Variants in DLG1 observed in about 807,000 individuals in gnomAD.
DLG1 encodes the protein discs large MAGUK scaffold protein 1.
A neutral mutation model predicts 123.4 loss-of-function variants in DLG1; 42 were observed. The ratio of observed to expected loss-of-function variants is 0.34; its 90% CI spans 0.27 to 0.44. DLG1 has a LOEUF of 0.44. Ranked by LOEUF, DLG1 falls within the 20% of genes least tolerant of loss-of-function variation. The pLI, the probability that DLG1 is intolerant of heterozygous loss-of-function variation, is 1.00. For synonymous variants in DLG1, 317 were observed against 356.2 expected (o/e 0.89, Z 1.24); for missense variants, 942 against 1,082.6 (o/e 0.87, Z 1.82).
intron 13 of DLG1, among the ~76,000 whole-genome samples, chr3:197,113,209 A>G (rs1340583529): frequency 2.0e-5 from 3 of 152,174 alleles, no homozygotes; most frequent in African/African-American, 7.2e-5. Context: ...TGTCTAATCC[A>G]TATTTACTAA....
At chr3:197,135,068 C>G (rs1784436035) in intron 10 of DLG1, among the ~76,000 whole-genome samples, 1 of 152,224 alleles carries the variant, frequency 6.6e-6, no homozygotes, top group African/African-American at 2.4e-5. Context: ...ACAGCCAGCT[C>G]AGACACATTC....
intron 13 of DLG1, among the ~76,000 whole-genome samples, chr3:197,114,764 C>T (rs1414536121): frequency 2.6e-5 from 4 of 151,930 alleles, no homozygotes; most frequent in Non-Finnish European, 1.5e-5. Flanking sequence ...GGGAGGATCA[C>T]GAGGTCAGGA....
At chr3:197,275,523 T>C (rs1409323735) in intron 4 of DLG1, among the ~76,000 whole-genome samples, 3 of 152,066 alleles carry the variant, frequency 2.0e-5, no homozygotes, top group African/African-American at 7.2e-5. Flanking sequence ...AATAGATAAA[T>C]AAAATGTAGC....
chr3:197,130,494 T>C, intron 11 of DLG1, 33 bp downstream of exon 11: 1 of 1,526,578 alleles, frequency 6.6e-7, no homozygotes, highest in South Asian at 1.3e-5. Context: ...AGAAGTAAGA[T>C]AAATTTAAGC....
intron 18 of DLG1, among the ~76,000 whole-genome samples, chr3:197,074,502 CAT>C (rs2148984598): frequency 6.6e-6 from 1 of 152,154 alleles, no homozygotes; most frequent in South Asian, 2.1e-4. Flanking sequence ...GTTCACTTAA[CAT>C]ATAAGAAAAA....
chr3:197,139,188 C>T (rs1326768109), intron 8 of DLG1, among the ~76,000 whole-genome samples: 3 of 151,710 alleles, frequency 2.0e-5, no homozygotes, highest in Non-Finnish European at 2.9e-5. Flanking sequence ...GGTATTCCAC[C>T]AGGAAAAAAA....
In DLG1 at chr3:197,115,786, A is replaced by G. The variant is rs535525410; in HGVS notation, c.1443+141T>C. On this transcript the variant is annotated intron_variant, in intron 13 of 24. Coordinates refer to ENST00000667157, the MANE Select transcript of DLG1 (RefSeq NM_001366207.1). Reference sequence around the variant, plus strand: ...ATATAATATGTTCTCTGACACTACAATTCTACAATTAAGCTGTAAAATGTT... The same window carrying G: ...ATATAATATGTTCTCTGACACTACAGTTCTACAATTAAGCTGTAAAATGTT... 4.9e-5 allele frequency: 40 copies of G among 808,212 alleles called. No homozygotes were observed. The East Asian group carries it at 1.0e-3, about 21-fold the overall frequency. 50.1% of individuals were successfully genotyped at this position (808,212 alleles called of 1,614,324 possible). A position where few individuals can be genotyped will look rare whatever the true frequency, so the allele number is the denominator to read the frequency against.
Position 197,142,768 on chromosome 3 carries a change from C to T in DLG1, c.538G>A (p.Val180Ile), listed in dbSNP as rs201543784. Residue 180 changes from valine (V) to isoleucine (I), a missense_variant and splice_region_variant, in exon 7 of 25, where the codon GTT (valine) becomes ATT (isoleucine). Coordinates refer to ENST00000667157, the MANE Select transcript of DLG1 (RefSeq NM_001366207.1). Reference sequence around the variant, plus strand: ...TCATAATCTGCATCTGTGCCATTAACCTACAGGGGAAAAGAAAAGCAGCTC... The same window carrying T: ...TCATAATCTGCATCTGTGCCATTAATCTACAGGGGAAAAGAAAAGCAGCTC... ...NTDSLETPTY[V>I]NGTDADYEYE... 11 of 1,603,896 alleles carry T rather than the reference C, an allele frequency of 6.9e-6. No homozygotes were observed. The highest frequency in any genetic ancestry group is 1.1e-5 in the South Asian group (1 of 87,484).
chr3:197,197,638 G>A (rs1039116669), intron 4 of DLG1, among the ~76,000 whole-genome samples: 1 of 152,190 alleles, frequency 6.6e-6, no homozygotes, highest in African/African-American at 2.4e-5. Flanking sequence ...CACAGAAACT[G>A]ACAAGCTGAT....
intron 14 of DLG1, among the ~76,000 whole-genome samples, chr3:197,093,221 C>T (rs901763798): frequency 4.6e-5 from 7 of 151,766 alleles, no homozygotes; most frequent in Non-Finnish European, 7.4e-5. Context: ...TGCAGTGGCG[C>T]GATCTTGGCT....
chr3:197,212,548 T>G (rs1279799761), intron 4 of DLG1, among the ~76,000 whole-genome samples: 2 of 152,244 alleles, frequency 1.3e-5, no homozygotes, highest in Non-Finnish European at 2.9e-5. Context: ...TTGCTGGCAG[T>G]CTTCCGCACT....
At chr3:197,181,054 A>G (rs547668979) in intron 5 of DLG1, among the ~76,000 whole-genome samples, 5 of 152,338 alleles carry the variant, frequency 3.3e-5, no homozygotes, top group African/African-American at 1.2e-4. Context: ...ATCATAGTAG[A>G]AAATGGCACA....
At chr3:197,163,938 T>TA (rs1364400836) in intron 5 of DLG1, among the ~76,000 whole-genome samples, 1 of 152,080 alleles carries the variant, frequency 6.6e-6, no homozygotes, top group Non-Finnish European at 1.5e-5. Flanking sequence ...TGATTCCACT[T>TA]AAAAGACTAG....
chr3:197,124,642 A>C (rs1277009297), intron 11 of DLG1, among the ~76,000 whole-genome samples: 3 of 151,962 alleles, frequency 2.0e-5, no homozygotes, highest in Non-Finnish European at 4.4e-5. Flanking sequence ...CAGGTGCAAT[A>C]ATAGTGCACT....
chr3:197,100,314 A>G (rs1579163909), intron 14 of DLG1, among the ~76,000 whole-genome samples: 2 of 152,334 alleles, frequency 1.3e-5, no homozygotes, highest in East Asian at 3.9e-4. Flanking sequence ...GTAACTCAAG[A>G]TTTCAATCAA....
intron 3 of DLG1, 40 bp downstream of exon 3, chr3:197,296,303 TAAA>T: frequency 6.3e-7 from 1 of 1,577,124 alleles, no homozygotes; most frequent in East Asian, 2.3e-5. Context: ...GAGAGGAGCA[TAAA>T]GCCTAGCTGG....
chr3:197,051,833 A>ATTTTTT (rs35979905), intron 23 of DLG1, among the ~76,000 whole-genome samples, 165 bp from the exon 24 acceptor site: 1 of 90,254 alleles, frequency 1.1e-5, no homozygotes, highest in Non-Finnish European at 2.2e-5. Context: ...ATTTCTGGGA[A>ATTTTTT]TTTTTTTTTT....
At chr3:197,053,095 T>C (rs1284935067) in intron 23 of DLG1, among the ~76,000 whole-genome samples, 1 of 151,950 alleles carries the variant, frequency 6.6e-6, no homozygotes, top group Non-Finnish European at 1.5e-5. Context: ...TGTAAGGAGG[T>C]GGGTGTGAGT....
intron 4 of DLG1, among the ~76,000 whole-genome samples, chr3:197,205,799 G>C (rs1728212837): frequency 6.6e-6 from 1 of 152,178 alleles, no homozygotes; most frequent in Non-Finnish European, 1.5e-5. Flanking sequence ...ATGTGTCTGA[G>C]GAGGCTCTAC....
Sources: gnomAD v4.1 joint callset for allele counts (sites outside exome capture counted in the v4.1 genomes callset) on GRCh38, gnomAD v4.1.1 for gene constraint, MANE v1.5 for transcripts, NCBI Gene and HGNC (gene_info 2026-07-23, HGNC 2026-07-21) for gene names.